The following LRP2BP variants were observed in gnomAD, a reference collection of about 807,000 sequenced individuals.
The protein encoded by LRP2BP is LRP2 binding protein.
A neutral mutation model predicts 45.2 loss-of-function variants in LRP2BP; 38 were observed. That is an observed-to-expected ratio of 0.84 (90% CI 0.65 to 1.10). The LOEUF is 1.10. LRP2BP is among the 50% of genes least tolerant of loss of function. LRP2BP has a pLI of 0.00. For synonymous variants in LRP2BP, 153 were observed against 153.9 expected, an observed-to-expected ratio of 0.99 and a Z score of 0.04; for missense variants, 385 against 418.9, an observed-to-expected ratio of 0.92 and a Z score of 0.71.
At chr4:185,387,143 C>G (rs749296559) in intron 1 of LRP2BP, among the ~76,000 whole-genome samples, 3 of 148,314 alleles carry the variant, frequency 2.0e-5, no homozygotes, top group Non-Finnish European at 3.0e-5. Flanking sequence ...TACTCGGGAG[C>G]CTGAGGCATG....
chr4:185,392,706 G>A (rs2095491361), intron 1 of LRP2BP, among the ~76,000 whole-genome samples: 1 of 152,030 alleles, frequency 6.6e-6, no homozygotes, highest in African/African-American at 2.4e-5. Context: ...TTCAGTGTAT[G>A]AACGATAGAA....
At position 185,370,650 on chromosome 4, in the gene LRP2BP, T is replaced by C. The variant is rs1357153380; in HGVS notation, c.968A>G (p.Tyr323Cys). The C allele has an allele frequency of 6.2e-6, 10 of 1,613,856 alleles. No homozygotes were observed. The highest frequency in any genetic ancestry group is 8.5e-6 in the Non-Finnish European group (10 of 1,179,944). ...ITRDETTAKH[Y>C]YSKACRLNPA... ...TGTTCTAAAGCTTACTTTAGAATAATAGTGTTTAGCGGTTGTTTCATCCCT... is the reference window on the plus strand; with the variant it reads ...TGTTCTAAAGCTTACTTTAGAATAACAGTGTTTAGCGGTTGTTTCATCCCT... The change falls in exon 8 of 9, where the codon TAT (tyrosine) becomes TGT (cysteine). Residue 323 changes from tyrosine to cysteine, a missense_variant. Transcript: ENST00000505916.
intron 1 of LRP2BP, among the ~76,000 whole-genome samples, chr4:185,392,753 C>T (rs2095491545): frequency 6.6e-6 from 1 of 152,060 alleles, no homozygotes; most frequent in Admixed American, 6.5e-5. Context: ...ATTAAAATAT[C>T]GTTACTTCTA....
Position 185,377,243 on chromosome 4 carries a change from C to A in LRP2BP, c.107-225G>T. On this transcript the variant is annotated intron_variant, in intron 2 of 8. Transcript: ENST00000505916. Reference sequence around the variant, plus strand: ...GTGTAATAAAGCAATACTGGCCGGGCGCGGTGGCTCACGCCTGTAAATCTC... The same window carrying A: ...GTGTAATAAAGCAATACTGGCCGGGAGCGGTGGCTCACGCCTGTAAATCTC... The A allele has an allele frequency of 4.3e-6, 2 of 466,450 alleles. 1 individual carries two copies. The highest frequency in any genetic ancestry group is 5.7e-5 in the South Asian group (2 of 35,064). The allele number at this position is 466,450 out of a possible 1,614,324, so 28.9% of individuals were successfully genotyped here.
At chr4:185,394,161 C>T (rs1408011764) in intron 1 of LRP2BP, among the ~76,000 whole-genome samples, 2 of 150,860 alleles carry the variant, frequency 1.3e-5, no homozygotes, top group Non-Finnish European at 2.9e-5. Flanking sequence ...GGGTGGCTGA[C>T]GCACGAGAAT....
At chr4:185,374,048 G>T in intron 6 of LRP2BP, 87 bp downstream of exon 6, 2 of 1,089,446 alleles carry the variant, frequency 1.8e-6, no homozygotes, top group Non-Finnish European at 2.7e-6. Flanking sequence ...TATTTAAAAC[G>T]ACATTCCCCA....
chr4:185,371,400 G>A (rs915100225), intron 7 of LRP2BP, among the ~76,000 whole-genome samples: 9 of 152,000 alleles, frequency 5.9e-5, no homozygotes, highest in African/African-American at 1.7e-4. Flanking sequence ...AAATTAGCTG[G>A]GCATGGTAGC....
In LRP2BP at chr4:185,370,751, C is replaced by G. The variant is rs753921893; in HGVS notation, c.867G>C (p.Pro289=). 3 of 1,613,950 alleles carry G rather than the reference C, an allele frequency of 1.9e-6. No individual in the cohort carries two copies. The African/African-American group carries it at 4.0e-5, about 22-fold the overall frequency. ...TTGCCATGCCTCTGCCGATGAACTC[C>G]GGGAGACAGTCTGTGACCTGGGCGA... ...PMIAQVTDCL[P]EFIGRGMAMA... is the part of the protein sequence containing the mutation. Residue 289 remains proline, a synonymous_variant, in exon 8 of 9, where the codon CCG becomes CCC. Transcript: ENST00000505916.
Position 185,394,982 on chromosome 4 carries a change from T to TTG in LRP2BP, c.-227_-226dup. 1.0e-6 allele frequency: 1 copy of TTG among 985,444 alleles called. No homozygotes were observed. The highest frequency in any genetic ancestry group is 1.2e-6 in the Non-Finnish European group (1 of 829,944). 61.0% of individuals were successfully genotyped at this position (985,444 alleles called of 1,614,324 possible). A position where few individuals can be genotyped will look rare whatever the true frequency, so the allele number is the denominator to read the frequency against. ...ACTCCAGTTACTTGCCAGTAAGATA[T>TTG]TGTCCCCCAAATGTACTTATCCTGT... On this transcript the variant is annotated 5_prime_UTR_variant, in exon 1 of 9. The change abolishes the stop of an existing upstream ORF in the 5' untranslated region. Coordinates refer to ENST00000505916, the MANE Select transcript of LRP2BP (RefSeq NM_001377440.1).
At chr4:185,389,030 C>A (rs2095480476) in intron 1 of LRP2BP, among the ~76,000 whole-genome samples, 1 of 151,696 alleles carries the variant, frequency 6.6e-6, no homozygotes, top group Non-Finnish European at 1.5e-5. Flanking sequence ...CAAGTGCCTG[C>A]CACCACACCC....
At chr4:185,386,691 G>GAC (rs1335162489) in intron 1 of LRP2BP, among the ~76,000 whole-genome samples, 8 of 152,260 alleles carry the variant, frequency 5.3e-5, no homozygotes, top group Admixed American at 3.3e-4. Flanking sequence ...ACCCCAACGT[G>GAC]ACCCCTGGAC....
intron 7 of LRP2BP, among the ~76,000 whole-genome samples, chr4:185,372,207 T>G (rs1425897812): frequency 2.0e-5 from 3 of 152,186 alleles, no homozygotes; most frequent in African/African-American, 7.2e-5. Flanking sequence ...ATGTGTGACA[T>G]GCCAAGCTGT....
Position 185,391,865 on chromosome 4 carries a change from C to A in LRP2BP, c.-22+2914G>T, listed in dbSNP as rs188125813. On this transcript the variant is annotated intron_variant, in intron 1 of 8. Transcript: ENST00000505916. ...GCGGTGTCACTGCTTTAGGCCCTCT[C>A]ACAGCAGGCAGAGCTAGGACATATG... is the stretch of plus-strand genomic sequence containing the variant. 3.0e-4 allele frequency among the ~76,000 whole-genome samples: 45 copies of A among 152,304 alleles called. No homozygotes were observed. The East Asian group carries it at 6.2e-3, about 21-fold the overall frequency.
At chr4:185,375,103 A>G (rs1016926661) in intron 4 of LRP2BP, among the ~76,000 whole-genome samples, 4 of 151,858 alleles carry the variant, frequency 2.6e-5, no homozygotes, top group African/African-American at 9.7e-5. Flanking sequence ...ATATTGGACA[A>G]TCAAATATAT....
chr4:185,374,034 G>A, intron 6 of LRP2BP, 101 bp downstream of exon 6: 2 of 923,552 alleles, frequency 2.2e-6, no homozygotes, highest in Middle Eastern at 2.3e-4. Context: ...GGAACTATAA[G>A]AGATATTTAA....
chr4:185,387,411 G>A (rs1168306448), intron 1 of LRP2BP, among the ~76,000 whole-genome samples: 1 of 152,190 alleles, frequency 6.6e-6, no homozygotes, highest in Admixed American at 6.5e-5. Flanking sequence ...AACCGCCTGG[G>A]CATGGTCTAG....
intron 6 of LRP2BP, among the ~76,000 whole-genome samples, chr4:185,373,395 T>C: frequency 6.6e-6 from 1 of 152,110 alleles, no homozygotes; most frequent in East Asian, 1.9e-4. Context: ...AAATAGGAAC[T>C]CAGTGTCTGA....
chr4:185,386,884 A>G (rs952669441), intron 1 of LRP2BP, among the ~76,000 whole-genome samples: 32 of 152,216 alleles, frequency 2.1e-4, no homozygotes, highest in African/African-American at 7.2e-4. Flanking sequence ...ATGTACGTAC[A>G]TGATGTTTAC....
chr4:185,397,283 G>A, upstream of LRP2BP: 2 of 1,613,986 alleles, frequency 1.2e-6, no homozygotes, highest in Non-Finnish European at 1.7e-6. Flanking sequence ...CTGCAAACGG[G>A]CGCTGACCTC....
Sources: allele counts gnomAD v4.1 joint callset (sites outside exome capture counted in the v4.1 genomes callset), GRCh38; gene constraint gnomAD v4.1.1; transcripts MANE v1.5; gene names NCBI Gene and HGNC (gene_info 2026-07-23, HGNC 2026-07-21).